LTBR: variants seen among roughly 807,000 people sequenced by gnomAD.
LTBR encodes the protein tumor necrosis factor receptor superfamily member 3.
Under a neutral mutation model 45.4 loss-of-function variants are expected in LTBR, and 15 were observed. The observed-to-expected ratio is 0.33, with a 90% CI of 0.22 to 0.51. The LOEUF (loss-of-function observed/expected upper bound fraction) is 0.51, where lower values mean the gene tolerates loss of function less well. Among genes scored for constraint, LTBR ranks in the 20% least tolerant of loss-of-function variants. LTBR has a pLI of 0.97. For synonymous variants in LTBR, 228 were observed against 231.0 expected, an observed-to-expected ratio of 0.99 and a Z score of 0.12; for missense variants, 450 against 565.5, an observed-to-expected ratio of 0.80 and a Z score of 2.07.
rs2136933854 is a variant in LTBR at position 6,388,614 on chromosome 12, C to G, written c.775+109C>G. 1 of 1,105,118 alleles carries G rather than the reference C, an allele frequency of 9.0e-7. No homozygotes were observed. Among genetic ancestry groups the G allele is most frequent in the Non-Finnish European group, 1.4e-6 (1 of 731,176 alleles). 68.5% of individuals were successfully genotyped at this position (1,105,118 alleles called of 1,614,324 possible). A position where few individuals can be genotyped will look rare whatever the true frequency, so the allele number is the denominator to read the frequency against. On this transcript the variant is annotated intron_variant, in intron 7 of 9. Transcript: ENST00000228918. This position sits in a 1 kb window ranked among gnomAD's most constrained non-coding sequence, Gnocchi z 4.3. ...ACCCTCAAGACTCCCAATGCCTACC[C>G]CCAACATAGACATCCTTATCTTCAT...
chr12:6,376,319 G>A (rs918849943), intron 1 of LTBR: 2 of 296,922 alleles, frequency 6.7e-6, no homozygotes, highest in African/African-American at 4.5e-5. Context: ...CGGGGCCCTA[G>A]GACATTCTGT....
chr12:6,382,066 A>T (rs1371538787), upstream of LTBR, among the ~76,000 whole-genome samples: 2 of 132,746 alleles, frequency 1.5e-5, no homozygotes, highest in Non-Finnish European at 3.1e-5. Flanking sequence ...TCTGAGCTGT[A>T]TCTGTAAGAT....
At chr12:6,377,538 G>A (rs1948931931) in intron 1 of LTBR, 3 of 772,552 alleles carry the variant, frequency 3.9e-6, no homozygotes, top group South Asian at 3.0e-5. Flanking sequence ...CAGAGCCCGT[G>A]GATTCGTCTG....
rs1949045111 is a variant in LTBR, at chr12:6,386,202, A to G, written c.569+40A>G. 1 of 1,561,574 alleles carries G rather than the reference A, an allele frequency of 6.4e-7. No homozygotes were observed. Among genetic ancestry groups the G allele is most frequent in the Non-Finnish European group, 8.8e-7 (1 of 1,133,310 alleles). ...ACCCAAGCTCCTTCCACCCTCTGAGAAGCCTCAGCTGCTAACAACCCCCAG... is the reference window on the plus strand; with the variant it reads ...ACCCAAGCTCCTTCCACCCTCTGAGGAGCCTCAGCTGCTAACAACCCCCAG... On this transcript the variant is annotated intron_variant, in intron 5 of 9. Transcript: ENST00000228918. This position sits in a 1 kb window ranked among gnomAD's most constrained non-coding sequence, Gnocchi z 4.1.
chr12:6,387,442 G>C (rs938437941), intron 6 of LTBR: 1 of 152,244 alleles, frequency 6.6e-6, no homozygotes, highest in Non-Finnish European at 1.5e-5. Context: ...GAATTTTAGA[G>C]AGTATGTAAG....
intron 8 of LTBR, chr12:6,389,853 G>A (rs1949090700): frequency 2.3e-6 from 1 of 435,198 alleles, no homozygotes; most frequent in East Asian, 3.5e-5. Context: ...TACTCAGGAG[G>A]CTGAGGCTAG....
chr12:6,375,334 T>C, upstream of LTBR: 1 of 1,440,650 alleles, frequency 6.9e-7, no homozygotes. Flanking sequence ...GGCCCTCAGC[T>C]CCAGCCTCTG....
At chr12:6,381,215 T>C (rs11064156), upstream of LTBR, among the ~76,000 whole-genome samples, 64,121 of 151,862 alleles carry the variant, frequency 0.42, 13,922 homozygotes, top group African/African-American at 0.49. Flanking sequence ...CCTGGAAAGA[T>C]GGCAGGGTGA....
At chr12:6,390,387 T>C in intron 9 of LTBR, 47 bp downstream of exon 9, 1 of 1,474,746 alleles carries the variant, frequency 6.8e-7, no homozygotes, top group South Asian at 1.2e-5. Context: ...GAGGGAGGGA[T>C]GGCTGGCAGG....
At chr12:6,381,059 C>A (rs2136923611), upstream of LTBR, among the ~76,000 whole-genome samples, 2 of 152,250 alleles carry the variant, frequency 1.3e-5, no homozygotes, top group South Asian at 4.1e-4. Flanking sequence ...CGTGATCCAG[C>A]TGGGAAACAA....
intron 2 of LTBR, 31 bp downstream of exon 2, chr12:6,384,715 C>T (rs1414749228): frequency 6.2e-7 from 1 of 1,600,062 alleles, no homozygotes; most frequent in Admixed American, 1.7e-5. Context: ...GAACCTGGGC[C>T]TCGGAAGTGG....
chr12:6,385,951 A>G, intron 4 of LTBR, 115 bp from the exon 5 acceptor site: 1 of 667,908 alleles, frequency 1.5e-6, no homozygotes, highest in Non-Finnish European at 2.7e-6. Flanking sequence ...GGGAAAGGTG[A>G]GAGCTACGCA....
chr12:6,386,121 G>A lies in LTBR; in HGVS notation c.528G>A (p.Gln176=). 1 of 1,613,978 alleles carries A rather than the reference G, an allele frequency of 6.2e-7. No homozygotes were observed. Among genetic ancestry groups the A allele is most frequent in the Non-Finnish European group, 8.5e-7 (1 of 1,179,934 alleles). The change falls in exon 5 of 10, where the codon CAG becomes CAA. Residue 176 remains glutamine, a synonymous_variant. Coordinates refer to ENST00000228918, the MANE Select transcript of LTBR (RefSeq NM_002342.3). This position sits in a 1 kb window ranked among gnomAD's most constrained non-coding sequence, Gnocchi z 4.1. ...TCCCCTGCAAGGCCGGGCACTTCCA[G>A]AATACCTCCTCCCCCAGCGCCCGCT... is the stretch of plus-strand genomic sequence containing the variant. ...HCVPCKAGHF[Q]NTSSPSARCQ...
rs200318201 is a variant in LTBR, at chr12:6,384,545, C to A, written c.97-43C>A. 695 of 1,610,108 alleles carry A rather than the reference C, an allele frequency of 4.3e-4. 6 individuals carry two copies. In the African/African-American group the frequency reaches 6.3e-3, roughly 15 times the overall value. ...ATTCCCTCTGCCCTCCCAAGCTGAC[C>A]CCTGACTAATTCTTCTCTCCTCTTC... On this transcript the variant is annotated intron_variant, in intron 1 of 9. Transcript: ENST00000228918.
chr12:6,383,831 G>A (rs1183045089), upstream of LTBR, among the ~76,000 whole-genome samples: 4 of 152,302 alleles, frequency 2.6e-5, no homozygotes, highest in South Asian at 8.3e-4. Context: ...CCCGTCCTGG[G>A]CCCCTCGCTT....
exon 1 of LTBR, chr12:6,375,443 G>T: frequency 6.5e-7 from 1 of 1,534,714 alleles, no homozygotes; most frequent in South Asian, 1.2e-5. Flanking sequence ...CCAGGTTGCG[G>T]CTGGACTGGG....
At chr12:6,389,868 T>A in intron 8 of LTBR, 2 of 450,072 alleles carry the variant, frequency 4.4e-6, no homozygotes, top group Non-Finnish European at 8.0e-6. Flanking sequence ...GGCTAGAGGA[T>A]CACTTGAGTC....
At chr12:6,377,179 C>T (rs1453080014) in intron 1 of LTBR, 38 of 1,311,194 alleles carry the variant, frequency 2.9e-5, no homozygotes, top group East Asian at 7.6e-5. Flanking sequence ...TCCTCTCTTG[C>T]GGCAGTCTCT....
Position 6,388,983 on chromosome 12 carries a change from C to A in LTBR, c.801+158C>A. ...GCCACGTACCAGGCACTGTCCTAGGCACTGGGCGTACAGCAGTGAGCAAAA... is the reference window on the plus strand; with the variant it reads ...GCCACGTACCAGGCACTGTCCTAGGAACTGGGCGTACAGCAGTGAGCAAAA... On this transcript the variant is annotated intron_variant, in intron 8 of 9. Coordinates refer to ENST00000228918, the MANE Select transcript of LTBR (RefSeq NM_002342.3). This position sits in a 1 kb window ranked among gnomAD's most constrained non-coding sequence, Gnocchi z 4.3. The A allele has an allele frequency of 3.5e-6, 3 of 854,752 alleles. No individual in the cohort carries two copies. The highest frequency in any genetic ancestry group is 5.6e-6 in the Non-Finnish European group (3 of 532,650). 52.9% of individuals were successfully genotyped at this position (854,752 alleles called of 1,614,324 possible).
Sources: allele counts gnomAD v4.1 joint callset (sites outside exome capture counted in the v4.1 genomes callset), GRCh38; gene constraint gnomAD v4.1.1; non-coding constraint Gnocchi (gnomAD v3.1); transcripts MANE v1.5; gene names NCBI Gene and HGNC (gene_info 2026-07-23, HGNC 2026-07-21).